The following CARMIL1 variants were observed in gnomAD, a reference collection of about 807,000 sequenced individuals.
The protein encoded by CARMIL1 is F-actin-uncapping protein LRRC16A.
In CARMIL1, 90 loss-of-function variants were observed where a neutral mutation model predicts 177.1. That is an observed-to-expected ratio of 0.51 (90% CI 0.43 to 0.61). The LOEUF (loss-of-function observed/expected upper bound fraction) is 0.61, where lower values mean the gene tolerates loss of function less well. Ranked by LOEUF, CARMIL1 falls within the 20% of genes least tolerant of loss-of-function variation. CARMIL1 has a pLI of 0.00. For missense variants in CARMIL1, 1,380 were observed against 1,667.0 expected (o/e 0.83, Z 3.00); for synonymous variants, 577 against 606.2 (o/e 0.95, Z 0.71).
chr6:25,454,618 T>TA (rs1799298389), intron 8 of CARMIL1, among the ~76,000 whole-genome samples: 1 of 152,006 alleles, frequency 6.6e-6, no homozygotes, highest in South Asian at 2.1e-4. Flanking sequence ...AACTAAATAT[T>TA]AAAAAATAGA....
intron 2 of CARMIL1, among the ~76,000 whole-genome samples, chr6:25,308,746 T>C (rs1226777709): frequency 6.6e-6 from 1 of 152,136 alleles, no homozygotes. Context: ...TCCTTCAGTT[T>C]ATAATCATCA....
chr6:25,422,459 G>A (rs1190193593), intron 3 of CARMIL1, among the ~76,000 whole-genome samples: 5 of 151,958 alleles, frequency 3.3e-5, no homozygotes, highest in Non-Finnish European at 4.4e-5. Context: ...GATATCTGTG[G>A]CCTTTCTTTT....
At chr6:25,575,722 T>G (rs1431284953) in intron 29 of CARMIL1, among the ~76,000 whole-genome samples, 1 of 152,208 alleles carries the variant, frequency 6.6e-6, no homozygotes, top group African/African-American at 2.4e-5. Flanking sequence ...CCTGATCAAG[T>G]ATGAAATCAG....
intron 33 of CARMIL1, among the ~76,000 whole-genome samples, chr6:25,602,860 A>T (rs1049056109): frequency 6.6e-6 from 1 of 152,180 alleles, no homozygotes. Flanking sequence ...ATGTTTAAAG[A>T]AAAAGAACTG....
At chr6:25,527,776 CTG>C (rs1415975803) in intron 23 of CARMIL1, 9 of 371,444 alleles carry the variant, frequency 2.4e-5, no homozygotes, top group Non-Finnish European at 2.6e-5. Flanking sequence ...TAATTATAGT[CTG>C]TATTTTAATA....
chr6:25,590,413 T>G (rs998947043), intron 31 of CARMIL1, among the ~76,000 whole-genome samples: 1 of 152,218 alleles, frequency 6.6e-6, no homozygotes, highest in Non-Finnish European at 1.5e-5. Context: ...TCTATATGCA[T>G]AAATAAGAGA....
chr6:25,280,302 T>C (rs9358848), intron 1 of CARMIL1, among the ~76,000 whole-genome samples: 106,943 of 151,978 alleles, frequency 0.7, 38,268 homozygotes, highest in South Asian at 0.89. Context: ...TGTCAGGCGC[T>C]TTCCTGAAAA....
At chr6:25,524,038 A>G (rs1806847660) in intron 23 of CARMIL1, among the ~76,000 whole-genome samples, 1 of 152,120 alleles carries the variant, frequency 6.6e-6, no homozygotes, top group Admixed American at 6.5e-5. Flanking sequence ...GGCAGGGGGA[A>G]GGGTAAAATA....
rs971308122 is a variant in CARMIL1, at chr6:25,279,426, G to A, written c.-370G>A. The A allele has an allele frequency of 8.3e-6, 3 of 359,786 alleles. No individual in the cohort carries two copies. The highest frequency in any genetic ancestry group is 1.5e-5 in the Non-Finnish European group (3 of 194,712). The allele number at this position is 359,786 out of a possible 1,614,324, so 22.3% of individuals were successfully genotyped here. ...CTAGGGCTGTAGGTGCGGCGCGGAG[G>A]CTGGGCGGGAGCTACGCCGGCCCAA... On this transcript the variant is annotated 5_prime_UTR_variant, in exon 1 of 37. Transcript: ENST00000329474.
At chr6:25,346,698 A>G (rs542187128) in intron 2 of CARMIL1, among the ~76,000 whole-genome samples, 3 of 151,144 alleles carry the variant, frequency 2.0e-5, no homozygotes, top group Non-Finnish European at 2.9e-5. Context: ...GTAGGGTGTC[A>G]TAAGTATTTG....
intron 2 of CARMIL1, among the ~76,000 whole-genome samples, chr6:25,419,398 G>A (rs1217636306): frequency 6.6e-6 from 1 of 152,178 alleles, no homozygotes; most frequent in African/African-American, 2.4e-5. Flanking sequence ...AAGTTTTGTA[G>A]TAAGCTTCAT....
rs1035083147 is a variant in CARMIL1, at chr6:25,529,412, C to A, written c.2067+519C>A. 2.0e-5 allele frequency among the ~76,000 whole-genome samples: 3 copies of A among 152,230 alleles called. No homozygotes were observed. In the East Asian group the frequency reaches 5.8e-4, roughly 29 times the overall value. On this transcript the variant is annotated intron_variant, in intron 24 of 36. Coordinates refer to ENST00000329474, the MANE Select transcript of CARMIL1 (RefSeq NM_017640.6). ...CTGCATTCCTCTTCTCTCTACCCAG[C>A]TTTACCAAAGAAACAGAATTATAAT...
chr6:25,408,617 C>G (rs1794622581), intron 2 of CARMIL1, among the ~76,000 whole-genome samples: 1 of 152,144 alleles, frequency 6.6e-6, no homozygotes, highest in African/African-American at 2.4e-5. Context: ...TTCTCAAAAT[C>G]ATTCGTGCTT....
At chr6:25,338,118 G>A (rs182557723) in intron 2 of CARMIL1, among the ~76,000 whole-genome samples, 2 of 152,184 alleles carry the variant, frequency 1.3e-5, no homozygotes, top group East Asian at 1.9e-4. Flanking sequence ...TTAGCCAGGC[G>A]TGGTGGCGCA....
intron 29 of CARMIL1, among the ~76,000 whole-genome samples, chr6:25,557,115 T>C (rs1810693031): frequency 6.6e-6 from 1 of 152,118 alleles, no homozygotes; most frequent in Admixed American, 6.6e-5. Context: ...AAGGTTTTTG[T>C]GACAGGAAAA....
chr6:25,284,962 C>T (rs1006038454), intron 2 of CARMIL1, 53 bp downstream of exon 2: 13 of 1,142,928 alleles, frequency 1.1e-5, no homozygotes, highest in Non-Finnish European at 1.4e-5. Flanking sequence ...AGTGTGTTTT[C>T]ATTGTTTAGA....
intron 13 of CARMIL1, among the ~76,000 whole-genome samples, chr6:25,489,725 G>A (rs1015074463): frequency 5.3e-5 from 8 of 151,970 alleles, no homozygotes; most frequent in African/African-American, 1.9e-4. Context: ...AGGCCTTTTT[G>A]TATTTTTTTT....
intron 5 of CARMIL1, among the ~76,000 whole-genome samples, chr6:25,445,159 A>G (rs772633420): frequency 2.0e-5 from 3 of 152,228 alleles, no homozygotes; most frequent in African/African-American, 4.8e-5. Flanking sequence ...AGTAGATTCC[A>G]TCTCAAGAAA....
chr6:25,469,658 A>G (rs1008274638), intron 9 of CARMIL1, among the ~76,000 whole-genome samples: 1 of 152,108 alleles, frequency 6.6e-6, no homozygotes, highest in Admixed American at 6.5e-5. Flanking sequence ...CCTGGGCTCA[A>G]GTGATCCTCC....
Sources: gnomAD v4.1 joint callset for allele counts (sites outside exome capture counted in the v4.1 genomes callset) on GRCh38, gnomAD v4.1.1 for gene constraint, MANE v1.5 for transcripts, NCBI Gene and HGNC (gene_info 2026-07-23, HGNC 2026-07-21) for gene names.